VEPH1: variants seen among roughly 807,000 people sequenced by gnomAD.
The protein encoded by VEPH1 is ventricular zone expressed PH domain containing 1, also known as ventricular zone-expressed PH domain-containing protein homolog 1.
A neutral mutation model predicts 85.2 loss-of-function variants in VEPH1; 80 were observed. The observed-to-expected ratio is 0.94, with a 90% CI of 0.78 to 1.13. VEPH1 has a LOEUF of 1.13. Among genes scored for constraint, VEPH1 ranks in the 50% most tolerant of loss-of-function variants. The pLI, the probability that VEPH1 is intolerant of heterozygous loss-of-function variation, is 0.00. For missense variants in VEPH1, 955 were observed against 980.5 expected (o/e 0.97, Z 0.35); for synonymous variants, 297 against 348.0 (o/e 0.85, Z 1.63).
chr3:157,279,075 G>A (rs879518152), intron 12 of VEPH1, among the ~76,000 whole-genome samples: 29 of 152,100 alleles, frequency 1.9e-4, no homozygotes, highest in Admixed American at 3.3e-4. Context: ...AGTCAAGTAA[G>A]TGGTAGGTGA....
chr3:157,397,708 T>G (rs1730520311), intron 6 of VEPH1, among the ~76,000 whole-genome samples: 1 of 152,228 alleles, frequency 6.6e-6, no homozygotes, highest in South Asian at 2.1e-4. Flanking sequence ...CATTCATGAT[T>G]TGGCTCTCTG....
intron 7 of VEPH1, among the ~76,000 whole-genome samples, chr3:157,365,885 C>T (rs1726627336): frequency 6.6e-6 from 1 of 152,114 alleles, no homozygotes; most frequent in South Asian, 2.1e-4. Flanking sequence ...ATGACGGTTT[C>T]ATTATTCAGG....
At chr3:157,407,395 C>A (rs2109005451) in intron 6 of VEPH1, among the ~76,000 whole-genome samples, 1 of 152,212 alleles carries the variant, frequency 6.6e-6, no homozygotes, top group African/African-American at 2.4e-5. Flanking sequence ...TGAAGGTTTA[C>A]AAAATGAGGT....
intron 4 of VEPH1, among the ~76,000 whole-genome samples, chr3:157,453,400 G>T (rs1375354451): frequency 6.6e-6 from 1 of 152,094 alleles, no homozygotes; most frequent in Non-Finnish European, 1.5e-5. Context: ...ATAATAATAG[G>T]ACTTCTTTTA....
intron 7 of VEPH1, among the ~76,000 whole-genome samples, chr3:157,369,183 A>G (rs1482628067): frequency 7.4e-6 from 1 of 134,562 alleles, no homozygotes; most frequent in African/African-American, 3.0e-5. Context: ...ACCAAATGAA[A>G]AAAAAAAAAA....
intron 3 of VEPH1, among the ~76,000 whole-genome samples, chr3:157,463,515 C>A (rs1363672394): frequency 3.9e-5 from 6 of 152,160 alleles, no homozygotes; most frequent in African/African-American, 1.4e-4. Flanking sequence ...GTCTCCCCTC[C>A]CAGTGAATTT....
chr3:157,434,380 C>T (rs1405192267), intron 4 of VEPH1, among the ~76,000 whole-genome samples: 1 of 152,088 alleles, frequency 6.6e-6, no homozygotes, highest in African/African-American at 2.4e-5. Flanking sequence ...GGTGTGATCA[C>T]AGCTCACTGC....
rs200752444 is a variant in VEPH1, at chr3:157,413,875, A to C, written c.906+6T>G. On this transcript the variant is annotated splice_donor_region_variant and intron_variant, in intron 6 of 13. Transcript: ENST00000362010. Reference sequence around the variant, plus strand: ...AGGGGAATGGAGAGAAAAAAGCCAAACTTACTTCATCCACATGCCCAACAG... The same window carrying C: ...AGGGGAATGGAGAGAAAAAAGCCAACCTTACTTCATCCACATGCCCAACAG... 6.2e-7 allele frequency: 1 copy of C among 1,612,452 alleles called. No homozygotes were observed. The highest frequency in any genetic ancestry group is 2.2e-5 in the East Asian group (1 of 44,818).
chr3:157,426,495 T>G (rs146415142), intron 5 of VEPH1, among the ~76,000 whole-genome samples: 3 of 152,216 alleles, frequency 2.0e-5, no homozygotes, highest in African/African-American at 7.2e-5. Flanking sequence ...CCTCATCTGA[T>G]TTTTTCCCAT....
At chr3:157,351,573 T>G (rs1457710682) in intron 9 of VEPH1, among the ~76,000 whole-genome samples, 1 of 152,228 alleles carries the variant, frequency 6.6e-6, no homozygotes, top group African/African-American at 2.4e-5. Context: ...TCTCTACTAC[T>G]AGTGTCTACT....
At chr3:157,284,668 G>GAAA (rs71760872) in intron 12 of VEPH1, among the ~76,000 whole-genome samples, 3 of 142,112 alleles carry the variant, frequency 2.1e-5, no homozygotes, top group African/African-American at 2.6e-5. Flanking sequence ...GGGTTTTGGT[G>GAAA]AAAAAAAAAA....
intron 6 of VEPH1, among the ~76,000 whole-genome samples, chr3:157,392,167 A>T (rs896018233): frequency 6.6e-6 from 1 of 152,236 alleles, no homozygotes; most frequent in African/African-American, 2.4e-5. Context: ...ACCACACAAT[A>T]GAAACAACAA....
chr3:157,376,599 T>C (rs1433693851), intron 7 of VEPH1, among the ~76,000 whole-genome samples: 8 of 152,242 alleles, frequency 5.3e-5, no homozygotes, highest in Non-Finnish European at 1.2e-4. Flanking sequence ...TTAGCCTCTG[T>C]TGGTTTATTA....
chr3:157,498,083 G>A (rs1739815388), intron 1 of VEPH1, among the ~76,000 whole-genome samples: 1 of 152,226 alleles, frequency 6.6e-6, no homozygotes, highest in South Asian at 2.1e-4. Context: ...AGATGATAAT[G>A]AATAGCTTTA....
chr3:157,441,810 A>C (rs1030914256), intron 4 of VEPH1, among the ~76,000 whole-genome samples: 1 of 76,016 alleles, frequency 1.3e-5, no homozygotes, highest in African/African-American at 6.1e-5. Flanking sequence ...ACTCTGTCTC[A>C]AAAAAAAAAA....
intron 6 of VEPH1, among the ~76,000 whole-genome samples, chr3:157,389,628 CAGATAGATAGAT>C (rs3086054): frequency 0.27 from 38,393 of 143,864 alleles, 5,047 homozygotes; most frequent in South Asian, 0.29. Flanking sequence ...GATAGGTAAG[CAGATAGATAGAT>C]AGATAGATAG....
chr3:157,495,185 A>T lies in VEPH1; in HGVS notation c.138+27T>A, dbSNP rs758539520. 1.4e-4 allele frequency: 220 copies of T among 1,609,606 alleles called. 1 individual carries two copies. The highest frequency in any genetic ancestry group is 5.1e-6 in the Non-Finnish European group (6 of 1,177,284). ...AGCTCTAGGACAGGCCATTTCAGAG[A>T]TGTAGTCTATAAACCAGTTTACTTA... On this transcript the variant is annotated intron_variant, in intron 2 of 13. Transcript: ENST00000362010.
At chr3:157,454,836 T>A (rs918208072) in intron 4 of VEPH1, among the ~76,000 whole-genome samples, 9 of 152,188 alleles carry the variant, frequency 5.9e-5, no homozygotes, top group African/African-American at 2.2e-4. Flanking sequence ...AGTTCCCACT[T>A]ATAAGTGAAA....
chr3:157,487,879 G>A (rs1420789625), intron 2 of VEPH1, among the ~76,000 whole-genome samples: 1 of 151,984 alleles, frequency 6.6e-6, no homozygotes, highest in Middle Eastern at 3.2e-3. Context: ...GAATAAATGG[G>A]AACCTCCTTA....
Sources: allele counts gnomAD v4.1 joint callset (sites outside exome capture counted in the v4.1 genomes callset), GRCh38; gene constraint gnomAD v4.1.1; transcripts MANE v1.5; gene names NCBI Gene and HGNC (gene_info 2026-07-23, HGNC 2026-07-21).